KIRREL3: variants seen among roughly 807,000 people sequenced by gnomAD.
KIRREL3 encodes the protein kirre like nephrin family adhesion molecule 3.
A neutral mutation model predicts 89.7 loss-of-function variants in KIRREL3; 36 were observed. The ratio of observed to expected loss-of-function variants is 0.40; its 90% CI spans 0.31 to 0.53. The LOEUF is 0.53. KIRREL3 is among the 20% of genes least tolerant of loss of function. The pLI, the probability that KIRREL3 is intolerant of heterozygous loss-of-function variation, is 0.49. For synonymous variants in KIRREL3, 445 were observed against 441.4 expected (o/e 1.01, Z -0.10); for missense variants, 864 against 1,056.6 (o/e 0.82, Z 2.53).
chr11:126,725,534 C>T lies in KIRREL3; in HGVS notation c.56-162622G>A, dbSNP rs189626615. Reference sequence around the variant, plus strand: ...ATTATCATGCCCATGGGTTTGCCCCCGCTCATCCCCAAGCTGGCTGTCCCC... The same window carrying T: ...ATTATCATGCCCATGGGTTTGCCCCTGCTCATCCCCAAGCTGGCTGTCCCC... On this transcript the variant is annotated intron_variant, in intron 1 of 16. Transcript: ENST00000525144. 9.2e-5 allele frequency among the ~76,000 whole-genome samples: 14 copies of T among 152,334 alleles called. No individual in the cohort carries two copies. In the East Asian group the frequency reaches 2.3e-3, roughly 25 times the overall value.
rs549687740 is a variant in KIRREL3, at chr11:126,694,945, G to A, written c.56-132033C>T. Among the ~76,000 whole-genome samples, 25 of 152,296 alleles carry A rather than the reference G, an allele frequency of 1.6e-4. No homozygotes were observed. The South Asian group carries it at 2.1e-3, about 13-fold the overall frequency. On this transcript the variant is annotated intron_variant, in intron 1 of 16. Transcript: ENST00000525144. This position sits in a 1 kb window ranked among gnomAD's most constrained non-coding sequence, Gnocchi z 4.4. ...TCCCTCACTCCTTTGCTTTGATTGG[G>A]AGATGAGATGCGAGTCTCAATGCCT...
At chr11:126,633,125 A>G (rs1311949440) in intron 1 of KIRREL3, among the ~76,000 whole-genome samples, 2 of 152,116 alleles carry the variant, frequency 1.3e-5, no homozygotes, top group Admixed American at 6.6e-5. Flanking sequence ...ATTAAAATCC[A>G]GTCTAAGCAC....
intron 1 of KIRREL3, among the ~76,000 whole-genome samples, chr11:126,693,631 A>ACC (rs1555176913): frequency 3.3e-5 from 5 of 151,454 alleles, no homozygotes; most frequent in African/African-American, 1.2e-4. Context: ...ACACACACAC[A>ACC]CCCATAGTCA....
chr11:126,528,253 G>A lies in KIRREL3; in HGVS notation c.134-1566C>T, dbSNP rs1174182751. Among the ~76,000 whole-genome samples the A allele has an allele frequency of 6.6e-6, 1 of 152,236 alleles. No individual in the cohort carries two copies. Among genetic ancestry groups the A allele is most frequent in the Non-Finnish European group, 1.5e-5 (1 of 68,042 alleles). ...CCTCCCCAACCCGGGAGAGTCAGGG[G>A]CAGCCACAGACGTCCTGGACACTGG... On this transcript the variant is annotated intron_variant, in intron 2 of 16. Coordinates refer to ENST00000525144, the MANE Select transcript of KIRREL3 (RefSeq NM_032531.4). The surrounding 1 kb of genome is among the most constrained non-coding windows in gnomAD (Gnocchi z 4.6).
In KIRREL3 at chr11:126,891,211, A is replaced by AG. The variant is rs1370370948; in HGVS notation, c.55+109243dup. On this transcript the variant is annotated intron_variant, in intron 1 of 16. Coordinates refer to ENST00000525144, the MANE Select transcript of KIRREL3 (RefSeq NM_032531.4). The surrounding 1 kb of genome is among the most constrained non-coding windows in gnomAD (Gnocchi z 5.1). ...CGTCCCAAGATACTGCAAATTATAA[A>AG]GGGTGATTAGGAAATAGCATGGCTC... Among the ~76,000 whole-genome samples the AG allele has an allele frequency of 2.0e-5, 3 of 152,218 alleles. No individual in the cohort carries two copies. Among genetic ancestry groups the AG allele is most frequent in the African/African-American group, 7.2e-5 (3 of 41,454 alleles).
At chr11:126,760,443 C>T (rs1162932974) in intron 1 of KIRREL3, among the ~76,000 whole-genome samples, 1 of 152,322 alleles carries the variant, frequency 6.6e-6, no homozygotes, top group East Asian at 1.9e-4. Flanking sequence ...AACAAATACC[C>T]CATTCATTTC....
Position 126,456,039 on chromosome 11 carries a change from G to GTTTTTTTTTTT in KIRREL3, c.848+299_848+309dup, listed in dbSNP as rs745805898. Among the ~76,000 whole-genome samples, 282 of 68,298 alleles carry GTTTTTTTTTTT rather than the reference G, an allele frequency of 4.1e-3. 25 individuals carry two copies. Among genetic ancestry groups the GTTTTTTTTTTT allele is most frequent in the African/African-American group, 0.016 (265 of 16,342 alleles). The allele number at this position is 68,298 out of a possible 152,430, so 44.8% of individuals were successfully genotyped here. A position where few individuals can be genotyped will look rare whatever the true frequency, so the allele number is the denominator to read the frequency against. On this transcript the variant is annotated intron_variant, in intron 7 of 16. Coordinates refer to ENST00000525144, the MANE Select transcript of KIRREL3 (RefSeq NM_032531.4). ...GTTGTTCTGGTTTTTTTTTGTTTTCGTTTTTTTTTTTTTTTTTTCCTGAGC... is the reference window on the plus strand; with the variant it reads ...GTTGTTCTGGTTTTTTTTTGTTTTCGTTTTTTTTTTTTTTTTTTTTTTTTTTTTTCCTGAGC...
rs1282300656 is a variant in KIRREL3, at chr11:126,608,254, G to A, written c.56-45342C>T. On this transcript the variant is annotated intron_variant, in intron 1 of 16. Coordinates refer to ENST00000525144, the MANE Select transcript of KIRREL3 (RefSeq NM_032531.4). This position sits in a 1 kb window ranked among gnomAD's most constrained non-coding sequence, Gnocchi z 4.9. ...GCGGTCTCAGAAGCCCCCGCTGGGA[G>A]CCTCCTATCCACCTGGCAGGCGTTT... 6.6e-6 allele frequency among the ~76,000 whole-genome samples: 1 copy of A among 151,680 alleles called. No individual in the cohort carries two copies. The highest frequency in any genetic ancestry group is 2.4e-5 in the African/African-American group (1 of 40,948).
chr11:126,435,330 C>T, intron 12 of KIRREL3, 27 bp from the exon 13 acceptor site: 1 of 1,613,532 alleles, frequency 6.2e-7, no homozygotes, highest in African/African-American at 1.3e-5. Flanking sequence ...CAAGCGTCTA[C>T]AGCCAGGGCC....
chr11:126,773,993 TC>T lies in KIRREL3; in HGVS notation c.56-211082del, dbSNP rs1313774918. 1.3e-5 allele frequency among the ~76,000 whole-genome samples: 2 copies of T among 152,008 alleles called. No homozygotes were observed. The highest frequency in any genetic ancestry group is 4.8e-5 in the African/African-American group (2 of 41,366). ...CAAAGCCAGGGACAGGGTAAGAGTC[TC>T]CGGCTGGAGAAAAAAGTGATGGGGT... On this transcript the variant is annotated intron_variant, in intron 1 of 16. Coordinates refer to ENST00000525144, the MANE Select transcript of KIRREL3 (RefSeq NM_032531.4). This position sits in a 1 kb window ranked among gnomAD's most constrained non-coding sequence, Gnocchi z 4.2.
rs1307771665 is a variant in KIRREL3 at position 126,558,235 on chromosome 11, C to G, written c.133+4600G>C. Among the ~76,000 whole-genome samples, 2 of 152,186 alleles carry G rather than the reference C, an allele frequency of 1.3e-5. No individual in the cohort carries two copies. ...AATATCCTCTTCCTCATTTCCCCTTCTCAAGAGTCCTGTGGCCTGCCAGCT... is the reference window on the plus strand; with the variant it reads ...AATATCCTCTTCCTCATTTCCCCTTGTCAAGAGTCCTGTGGCCTGCCAGCT... On this transcript the variant is annotated intron_variant, in intron 2 of 16. Transcript: ENST00000525144. The surrounding 1 kb of genome is among the most constrained non-coding windows in gnomAD (Gnocchi z 4.0).
In KIRREL3 at chr11:126,431,230, A is replaced by C; in HGVS notation, c.1696+189T>G. On this transcript the variant is annotated intron_variant, in intron 14 of 16. Transcript: ENST00000525144. The surrounding 1 kb of genome is among the most constrained non-coding windows in gnomAD (Gnocchi z 7.1). ...CCAGGTCAACCTCAGCCTAGCGCCC[A>C]CTCTGCCAGGCGCCATGTTGCCCAG... is the stretch of plus-strand genomic sequence containing the variant. The C allele has an allele frequency of 6.6e-7, 1 of 1,514,720 alleles. No individual in the cohort carries two copies. The highest frequency in any genetic ancestry group is 8.9e-7 in the Non-Finnish European group (1 of 1,125,766). 93.8% of individuals were successfully genotyped at this position (1,514,720 alleles called of 1,614,324 possible). A position where few individuals can be genotyped will look rare whatever the true frequency, so the allele number is the denominator to read the frequency against.
intron 1 of KIRREL3, among the ~76,000 whole-genome samples, chr11:126,901,464 G>C (rs184350029): frequency 6.6e-6 from 1 of 152,288 alleles, no homozygotes; most frequent in African/African-American, 2.4e-5. Flanking sequence ...AGCAAATCCA[G>C]CTCCATTCTC....
At chr11:126,650,550 C>T (rs775844403) in intron 1 of KIRREL3, among the ~76,000 whole-genome samples, 5 of 152,124 alleles carry the variant, frequency 3.3e-5, no homozygotes, top group Non-Finnish European at 5.9e-5. Context: ...AGTCTGTTTG[C>T]TAAAACATAA....
intron 1 of KIRREL3, among the ~76,000 whole-genome samples, chr11:126,753,156 TAGGCTA>T (rs1256922565): frequency 3.9e-5 from 6 of 152,138 alleles, no homozygotes; most frequent in African/African-American, 1.4e-4. Flanking sequence ...GAGAAACAAA[TAGGCTA>T]AAAGTTCCCC....
intron 1 of KIRREL3, among the ~76,000 whole-genome samples, chr11:126,658,965 G>A (rs775943894): frequency 1.3e-5 from 2 of 152,212 alleles, no homozygotes; most frequent in African/African-American, 2.4e-5. Context: ...ACAGCTGTTG[G>A]ATGGACCTAA....
intron 1 of KIRREL3, among the ~76,000 whole-genome samples, chr11:126,619,849 C>A (rs989983321): frequency 2.6e-5 from 4 of 152,208 alleles, no homozygotes; most frequent in African/African-American, 9.7e-5. Context: ...CTCATACCCA[C>A]CAGTCTTAAG....
chr11:126,628,254 C>A lies in KIRREL3; in HGVS notation c.56-65342G>T, dbSNP rs777612667. ...CTCACCACCCACCAATCCTGTCAGACTCTTTCTCTCCAGCCTGGCCTCGCC... is the reference window on the plus strand; with the variant it reads ...CTCACCACCCACCAATCCTGTCAGAATCTTTCTCTCCAGCCTGGCCTCGCC... On this transcript the variant is annotated intron_variant, in intron 1 of 16. Coordinates refer to ENST00000525144, the MANE Select transcript of KIRREL3 (RefSeq NM_032531.4). This position sits in a 1 kb window ranked among gnomAD's most constrained non-coding sequence, Gnocchi z 5.2. Among the ~76,000 whole-genome samples, 2 of 152,194 alleles carry A rather than the reference C, an allele frequency of 1.3e-5. No homozygotes were observed. Among genetic ancestry groups the A allele is most frequent in the Non-Finnish European group, 2.9e-5 (2 of 68,024 alleles).
In KIRREL3 at chr11:126,685,450, A is replaced by G. The variant is rs1380384239; in HGVS notation, c.56-122538T>C. Among the ~76,000 whole-genome samples, 1 of 152,186 alleles carries G rather than the reference A, an allele frequency of 6.6e-6. No homozygotes were observed. The highest frequency in any genetic ancestry group is 2.4e-5 in the African/African-American group (1 of 41,450). On this transcript the variant is annotated intron_variant, in intron 1 of 16. Coordinates refer to ENST00000525144, the MANE Select transcript of KIRREL3 (RefSeq NM_032531.4). This position sits in a 1 kb window ranked among gnomAD's most constrained non-coding sequence, Gnocchi z 5.5. ...CAGACACTGCTAACTTCCCACCTCC[A>G]CACAAGCTGATGAGACTGGCTCAGA... is the stretch of plus-strand genomic sequence containing the variant.
Sources: allele counts gnomAD v4.1 joint callset (sites outside exome capture counted in the v4.1 genomes callset), GRCh38; gene constraint gnomAD v4.1.1; non-coding constraint Gnocchi (gnomAD v3.1); transcripts MANE v1.5; gene names NCBI Gene and HGNC (gene_info 2026-07-23, HGNC 2026-07-21).